TRIM7: variants seen among roughly 807,000 people sequenced by gnomAD.
TRIM7 encodes E3 ubiquitin-protein ligase TRIM7.
Under a neutral mutation model 37.9 loss-of-function variants are expected in TRIM7, and 32 were observed. The ratio of observed to expected loss-of-function variants is 0.84; its 90% CI spans 0.64 to 1.13. The LOEUF is 1.13. Among genes scored for constraint, TRIM7 ranks in the 50% most tolerant of loss-of-function variants. TRIM7 has a pLI of 0.00. For synonymous variants in TRIM7, 351 were observed against 321.3 expected (o/e 1.09, Z -0.99); for missense variants, 732 against 714.0 (o/e 1.03, Z -0.29).
In TRIM7 at chr5:181,195,765, C is replaced by G. The variant is rs540141096; in HGVS notation, c.1025-88G>C. 7 of 1,468,652 alleles carry G rather than the reference C, an allele frequency of 4.8e-6. No individual in the cohort carries two copies. In the African/African-American group the frequency reaches 8.6e-5, roughly 18 times the overall value. 91.0% of individuals were successfully genotyped at this position (1,468,652 alleles called of 1,614,324 possible). A position where few individuals can be genotyped will look rare whatever the true frequency, so the allele number is the denominator to read the frequency against. Reference sequence around the variant, plus strand: ...GGCCGCGCCCGACCTTGCTTTGCAACCTGCCTGCCTTTCCCTCTAGAATCC... The same window carrying G: ...GGCCGCGCCCGACCTTGCTTTGCAAGCTGCCTGCCTTTCCCTCTAGAATCC... On this transcript the variant is annotated intron_variant, in intron 6 of 6. Transcript: ENST00000274773.
intron 6 of TRIM7, chr5:181,197,923 C>G (rs778284828): frequency 5.6e-6 from 3 of 538,982 alleles, no homozygotes; most frequent in Non-Finnish European, 1.0e-5. Context: ...GGCCGAGAAG[C>G]CTTTCCCAGT....
At position 181,203,502 on chromosome 5, in the gene TRIM7, C is replaced by T. The variant is rs376741744; in HGVS notation, c.618+43G>A. ...CGAGCCCTGGTGCTGAGTTCTCAGGCCTCTGTAATGTCCCACGGGGGGCCT... is the reference window on the plus strand; with the variant it reads ...CGAGCCCTGGTGCTGAGTTCTCAGGTCTCTGTAATGTCCCACGGGGGGCCT... On this transcript the variant is annotated intron_variant, in intron 2 of 6. Transcript: ENST00000274773. The T allele has an allele frequency of 9.2e-5, 148 of 1,611,932 alleles. 1 individual carries two copies. The highest frequency in any genetic ancestry group is 1.2e-4 in the Non-Finnish European group (136 of 1,178,976).
At position 181,198,693 on chromosome 5, in the gene TRIM7, T is replaced by C. The variant is rs1757290529; in HGVS notation, c.985A>G (p.Lys329Glu). 5.0e-6 allele frequency: 8 copies of C among 1,612,586 alleles called. No individual in the cohort carries two copies. Among genetic ancestry groups the C allele is most frequent in the Admixed American group, 1.7e-5 (1 of 59,978 alleles). ...FVLKGMLKKF[K>E]EDLRGELEKE... Reference sequence around the variant, plus strand: ...AGCTTGGCGCCCAGGCCCCTACCTTTGAACTTCTTCAGCATCCCTTTTAAG... The same window carrying C: ...AGCTTGGCGCCCAGGCCCCTACCTTCGAACTTCTTCAGCATCCCTTTTAAG... Residue 329 changes from lysine to glutamate, a missense_variant, in exon 5 of 7, where the codon AAA (lysine) becomes GAA (glutamate). Transcript: ENST00000274773.
chr5:181,195,179 C>T lies in TRIM7; in HGVS notation c.1523G>A (p.Arg508Gln), dbSNP rs758052656. 5 of 1,600,810 alleles carry T rather than the reference C, an allele frequency of 3.1e-6. No homozygotes were observed. The highest frequency in any genetic ancestry group is 1.3e-5 in the African/African-American group (1 of 74,872). The change falls in exon 7 of 7, where the codon CGA becomes CAA. Residue 508 changes from arginine to glutamine, a missense_variant. By Grantham distance (43) the Arg-to-Gln change is conservative. Coordinates refer to ENST00000274773, the MANE Select transcript of TRIM7 (RefSeq NM_203293.3). Reference protein sequence around the residue: ...FSVCSTGTYLRIWP With the variant: ...FSVCSTGTYLQIWP The stretch of plus-strand genomic sequence containing the variant: ...CAGCAGTGCCCCTCAAGGCCAGATT[C>T]GCAAGTAGGTGCCCGTGGAGCAAAC...
intron 2 of TRIM7, 53 bp downstream of exon 2, chr5:181,203,492 A>G: frequency 6.2e-7 from 1 of 1,607,596 alleles, no homozygotes; most frequent in South Asian, 1.1e-5. Flanking sequence ...CCTGGTGCTG[A>G]GTTCTCAGGC....
At chr5:181,201,953 A>C (rs541997569) in intron 2 of TRIM7, among the ~76,000 whole-genome samples, 1 of 152,246 alleles carries the variant, frequency 6.6e-6, no homozygotes, top group South Asian at 2.1e-4. Context: ...GAAGGTCTAG[A>C]GGGTGAGCTC....
intron 2 of TRIM7, chr5:181,203,276 G>C: frequency 1.5e-6 from 2 of 1,296,832 alleles, no homozygotes; most frequent in Non-Finnish European, 2.0e-6. Context: ...CGTAATATCA[G>C]AGTGACTGAG....
At chr5:181,198,872 G>A in intron 4 of TRIM7, 67 bp from the exon 5 acceptor site, 1 of 1,299,688 alleles carries the variant, frequency 7.7e-7, no homozygotes, top group Non-Finnish European at 1.1e-6. Context: ...GTGACAATTA[G>A]GATGGCGAGG....
In TRIM7 at chr5:181,195,350, G is replaced by A. The variant is rs772954194; in HGVS notation, c.1352C>T (p.Ser451Leu). The part of the protein sequence containing the change: ...QYWAVTSPER[S>L]PLSCGHLSRV... ...CGACAGGTGCCCGCAGCTGAGGGGC[G>A]ACCGCTCGGGGCTGGTCACGGCCCA... Residue 451 changes from serine to leucine, a missense_variant, in exon 7 of 7, where the codon TCG (serine) becomes TTG (leucine). Ser to Leu is a moderately radical substitution (Grantham distance 145). Coordinates refer to ENST00000274773, the MANE Select transcript of TRIM7 (RefSeq NM_203293.3). The A allele has an allele frequency of 8.2e-6, 13 of 1,581,186 alleles. No individual in the cohort carries two copies. The South Asian group carries it at 1.0e-4, about 12-fold the overall frequency.
At chr5:181,198,106 C>G in intron 6 of TRIM7, 77 bp downstream of exon 6, 2 of 1,558,142 alleles carry the variant, frequency 1.3e-6, no homozygotes, top group South Asian at 2.3e-5. Flanking sequence ...ATGCAAAACC[C>G]TGAGATGGTC....
At chr5:181,204,315 G>A in intron 1 of TRIM7, 1 of 1,163,150 alleles carries the variant, frequency 8.6e-7, no homozygotes, top group Non-Finnish European at 1.1e-6. Context: ...GAAGAACATC[G>A]CCAAGTCCGT....
At position 181,199,813 on chromosome 5, in the gene TRIM7, G is replaced by C. The variant is rs565643389; in HGVS notation, c.849+38C>G. The C allele has an allele frequency of 3.8e-6, 6 of 1,583,544 alleles. No individual in the cohort carries two copies. In the South Asian group the frequency reaches 7.0e-5, roughly 19 times the overall value. On this transcript the variant is annotated intron_variant, in intron 3 of 6. Coordinates refer to ENST00000274773, the MANE Select transcript of TRIM7 (RefSeq NM_203293.3). ...TCTAGCTGCTGGTCCTGATGCCTTA[G>C]GATAAATGACTCGAGCCCCTGGCTG...
Position 181,195,083 on chromosome 5 carries a change from C to T in TRIM7, c.*83G>A, listed in dbSNP as rs760948269. The T allele has an allele frequency of 1.2e-5, 18 of 1,512,510 alleles. No homozygotes were observed. Among genetic ancestry groups the T allele is most frequent in the Admixed American group, 2.0e-5 (1 of 49,634 alleles). 93.7% of individuals were successfully genotyped at this position (1,512,510 alleles called of 1,614,324 possible). On this transcript the variant is annotated 3_prime_UTR_variant, in exon 7 of 7. Coordinates refer to ENST00000274773, the MANE Select transcript of TRIM7 (RefSeq NM_203293.3). ...AGGGGTCAGGAGCACGGAGGGCAGA[C>T]CCAAGACGGACCAGGCATCTCTGGG... is the stretch of plus-strand genomic sequence containing the variant.
At position 181,204,907 on chromosome 5, in the gene TRIM7, G is replaced by A. The variant is rs1379861522; in HGVS notation, c.204C>T (p.Ala68=). 2.2e-6 allele frequency: 3 copies of A among 1,373,024 alleles called. No individual in the cohort carries two copies. The Admixed American group carries it at 1.2e-4, about 54-fold the overall frequency. The allele number at this position is 1,373,024 out of a possible 1,614,324, so 85.1% of individuals were successfully genotyped here. ...ERPGAGSVGA[A]TRAPPFPLPC... is the part of the protein sequence containing the mutation. ...GCAGTGGGAAGGGGGGCGCGCGGGT[G>A]GCGGCCCCAACAGACCCCGCGCCCG... Residue 68 remains alanine, a synonymous_variant, in exon 1 of 7, where the codon GCC becomes GCT. Coordinates refer to ENST00000274773, the MANE Select transcript of TRIM7 (RefSeq NM_203293.3).
chr5:181,195,711 C>T, intron 6 of TRIM7, 34 bp from the exon 7 acceptor site: 2 of 1,506,630 alleles, frequency 1.3e-6, no homozygotes, highest in South Asian at 1.3e-5. Context: ...TGTCCCCACG[C>T]AGCCAGGCCC....
chr5:181,203,758 G>A, intron 1 of TRIM7, 118 bp from the exon 2 acceptor site: 2 of 1,480,406 alleles, frequency 1.4e-6, no homozygotes, highest in Non-Finnish European at 1.8e-6. Flanking sequence ...GGGGGAGGCC[G>A]GGTAGAAGTC....
chr5:181,204,001 C>A, intron 1 of TRIM7: 2 of 1,061,430 alleles, frequency 1.9e-6, no homozygotes, highest in Non-Finnish European at 2.3e-6. Flanking sequence ...CTCCCCGCCC[C>A]GCCCTCACCC....
chr5:181,202,786 G>C (rs921259468), intron 2 of TRIM7: 1 of 149,242 alleles, frequency 6.7e-6, no homozygotes, highest in Non-Finnish European at 1.5e-5. Flanking sequence ...GGACGGTCTT[G>C]ATCTCCTGAC....
At chr5:181,199,393 C>A in intron 3 of TRIM7, 1 of 550,644 alleles carries the variant, frequency 1.8e-6, no homozygotes. Flanking sequence ...ATCACTGGAG[C>A]TATCCCATGG....
Sources: allele counts gnomAD v4.1 joint callset (sites outside exome capture counted in the v4.1 genomes callset), GRCh38; gene constraint gnomAD v4.1.1; transcripts MANE v1.5; gene names NCBI Gene and HGNC (gene_info 2026-07-23, HGNC 2026-07-21).